The following MYO1D variants were observed in gnomAD, a reference collection of about 807,000 sequenced individuals.
MYO1D encodes the protein myosin ID, also known as unconventional myosin-Id.
Under a neutral mutation model 122.0 loss-of-function variants are expected in MYO1D, and 83 were observed. The observed-to-expected ratio is 0.68, with a 90% CI of 0.57 to 0.82. MYO1D has a LOEUF of 0.82. Ranked by LOEUF, MYO1D falls within the 40% of genes least tolerant of loss-of-function variation. The probability of loss-of-function intolerance (pLI) is 0.00; values close to 1 mark genes in which losing one functional copy is unlikely to be tolerated. For missense variants in MYO1D, 1,157 were observed against 1,269.5 expected (o/e 0.91, Z 1.35); for synonymous variants, 464 against 446.9 (o/e 1.04, Z -0.48).
At chr17:32,821,965 G>C (rs573402287) in intron 1 of MYO1D, among the ~76,000 whole-genome samples, 1 of 152,168 alleles carries the variant, frequency 6.6e-6, no homozygotes, top group Non-Finnish European at 1.5e-5. Context: ...AGTCAGTGTG[G>C]CCATTCCTCA....
chr17:32,871,378 A>G (rs1457281467), intron 1 of MYO1D, among the ~76,000 whole-genome samples: 1 of 152,222 alleles, frequency 6.6e-6, no homozygotes, highest in Non-Finnish European at 1.5e-5. Flanking sequence ...TAAAATGTCA[A>G]TAGTGACAAG....
chr17:32,673,709 T>C (rs770229950), intron 16 of MYO1D, among the ~76,000 whole-genome samples: 8 of 152,146 alleles, frequency 5.3e-5, no homozygotes, highest in Non-Finnish European at 5.9e-5. Flanking sequence ...CTAGGTGATA[T>C]AGTGATATAG....
At chr17:32,763,855 G>A (rs1210712176) in intron 8 of MYO1D, among the ~76,000 whole-genome samples, 1 of 152,206 alleles carries the variant, frequency 6.6e-6, no homozygotes, top group Non-Finnish European at 1.5e-5. Context: ...GGGAGGTGGA[G>A]GTTGCAGTGA....
chr17:32,749,007 C>T lies in MYO1D; in HGVS notation c.1468-1G>A. 6.2e-7 allele frequency: 1 copy of T among 1,611,170 alleles called. No individual in the cohort carries two copies. On this transcript the variant is annotated splice_acceptor_variant, in intron 11 of 21. Coordinates refer to ENST00000318217, the MANE Select transcript of MYO1D (RefSeq NM_015194.3). LOFTEE classifies it high-confidence loss of function. Reference sequence around the variant, plus strand: ...CCAGAATTTTGTCTGAGGCACAGAGCTAAGGAATCAAGAAGGATATTATTT... The same window carrying T: ...CCAGAATTTTGTCTGAGGCACAGAGTTAAGGAATCAAGAAGGATATTATTT...
chr17:32,835,772 C>T (rs1455876292), intron 1 of MYO1D, among the ~76,000 whole-genome samples: 1 of 152,132 alleles, frequency 6.6e-6, no homozygotes, highest in African/African-American at 2.4e-5. Context: ...CTTCTGAATT[C>T]ATCCTAGATT....
intron 20 of MYO1D, among the ~76,000 whole-genome samples, chr17:32,625,568 T>TA (rs397936671): frequency 1.4e-4 from 22 of 151,922 alleles, no homozygotes; most frequent in African/African-American, 5.1e-4. Flanking sequence ...TTTTTTTTTT[T>TA]AAATAGGGTC....
At chr17:32,772,321 A>C (rs911714111) in intron 5 of MYO1D, among the ~76,000 whole-genome samples, 1 of 152,228 alleles carries the variant, frequency 6.6e-6, no homozygotes, top group Non-Finnish European at 1.5e-5. Flanking sequence ...CCTCCCTAGA[A>C]GTTATAAATC....
chr17:32,659,107 G>A lies in MYO1D; in HGVS notation c.2345+8C>T, dbSNP rs763291870. On this transcript the variant is annotated splice_region_variant and intron_variant, in intron 17 of 21. Coordinates refer to ENST00000318217, the MANE Select transcript of MYO1D (RefSeq NM_015194.3). ...AAATGGATGCAGCACACAGCAGCAC[G>A]TTCTTACCTATTGAAAATCGTCTGC... is the stretch of plus-strand genomic sequence containing the variant. 1.2e-5 allele frequency: 20 copies of A among 1,611,584 alleles called. No individual in the cohort carries two copies. Among genetic ancestry groups the A allele is most frequent in the Non-Finnish European group, 1.6e-5 (19 of 1,177,882 alleles).
At chr17:32,543,100 C>T (rs1910893820) in intron 21 of MYO1D, among the ~76,000 whole-genome samples, 1 of 150,692 alleles carries the variant, frequency 6.6e-6, no homozygotes, top group Non-Finnish European at 1.5e-5. Flanking sequence ...GTGGCGGGCG[C>T]CTGTAGTCCC....
At chr17:32,524,086 C>T (rs142633721) in intron 21 of MYO1D, among the ~76,000 whole-genome samples, 9 of 152,342 alleles carry the variant, frequency 5.9e-5, no homozygotes, top group Non-Finnish European at 1.0e-4. Context: ...CTGCTACAAC[C>T]AGGGTAAACT....
chr17:32,556,555 T>TTTC (rs1461796824), intron 21 of MYO1D, among the ~76,000 whole-genome samples: 1 of 144,402 alleles, frequency 6.9e-6, no homozygotes, highest in Non-Finnish European at 1.5e-5. Context: ...GCCACAATTT[T>TTTC]TTTTTTTTTT....
intron 21 of MYO1D, among the ~76,000 whole-genome samples, chr17:32,516,760 C>T (rs1909906193): frequency 6.6e-6 from 1 of 152,212 alleles, no homozygotes; most frequent in African/African-American, 2.4e-5. Flanking sequence ...GCTTCTAATA[C>T]AGGCCTTATT....
At chr17:32,745,109 G>T in intron 13 of MYO1D, 102 bp downstream of exon 13, 2 of 684,366 alleles carry the variant, frequency 2.9e-6, no homozygotes, top group Non-Finnish European at 2.5e-6. Flanking sequence ...ACAAGAAAAT[G>T]TGCCAGAAAC....
chr17:32,632,783 A>G (rs142050869), intron 20 of MYO1D, among the ~76,000 whole-genome samples: 1 of 152,190 alleles, frequency 6.6e-6, no homozygotes, highest in East Asian at 1.9e-4. Context: ...CTGGGAATTT[A>G]TTGTAATTTT....
chr17:32,838,010 C>A (rs1326241100), intron 1 of MYO1D, among the ~76,000 whole-genome samples: 2 of 152,046 alleles, frequency 1.3e-5, no homozygotes, highest in African/African-American at 4.8e-5. Flanking sequence ...TTACTGCAAT[C>A]ATTTCCCAAG....
At chr17:32,513,978 T>C (rs1163744981) in intron 21 of MYO1D, among the ~76,000 whole-genome samples, 2 of 151,810 alleles carry the variant, frequency 1.3e-5, no homozygotes, top group African/African-American at 4.8e-5. Flanking sequence ...GCATGGTGGC[T>C]CATGTCTGTA....
At chr17:32,870,850 T>G (rs528877807) in intron 1 of MYO1D, among the ~76,000 whole-genome samples, 4 of 152,196 alleles carry the variant, frequency 2.6e-5, no homozygotes, top group Admixed American at 2.6e-4. Context: ...TTAAAGGTGG[T>G]TGCCCCCAAG....
At chr17:32,716,122 C>A (rs575890342) in intron 15 of MYO1D, among the ~76,000 whole-genome samples, 2 of 152,312 alleles carry the variant, frequency 1.3e-5, no homozygotes, top group South Asian at 2.1e-4. Context: ...ATGTTAACTT[C>A]TTTGGGGTTC....
chr17:32,793,646 T>C (rs971224929), intron 1 of MYO1D, among the ~76,000 whole-genome samples: 7 of 152,180 alleles, frequency 4.6e-5, no homozygotes, highest in African/African-American at 1.7e-4. Context: ...AATTAACAAC[T>C]TGGAAGACAG....
Sources: allele counts gnomAD v4.1 joint callset (sites outside exome capture counted in the v4.1 genomes callset), GRCh38; gene constraint gnomAD v4.1.1; transcripts MANE v1.5; gene names NCBI Gene and HGNC (gene_info 2026-07-23, HGNC 2026-07-21).